PLEC: variants seen among roughly 807,000 people sequenced by gnomAD.
PLEC encodes hemidesmosomal protein 1.
A neutral mutation model predicts 392.8 loss-of-function variants in PLEC; 216 were observed. The ratio of observed to expected loss-of-function variants is 0.55; its 90% CI spans 0.49 to 0.62. PLEC has a LOEUF of 0.62. Ranked by LOEUF, PLEC falls within the 20% of genes least tolerant of loss-of-function variation. The pLI, the probability that PLEC is intolerant of heterozygous loss-of-function variation, is 0.00. For missense variants in PLEC, 6,863 were observed against 6,563.4 expected, an observed-to-expected ratio of 1.05 and a Z score of -1.58; for synonymous variants, 3,621 against 2,980.6, an observed-to-expected ratio of 1.21 and a Z score of -7.00.
chr8:143,919,250 C>T lies in PLEC; in HGVS notation c.10571G>A (p.Arg3524Lys). Residue 3524 changes from arginine to lysine, a missense_variant, in exon 32 of 32, where the codon AGG becomes AAG. Coordinates refer to ENST00000345136, the MANE Select transcript of PLEC (RefSeq NM_201384.3). ...CTCCACGCACCGCTCCAGCAGCTGC[C>T]TGTACGTGAGGTTCTCATGCGTGTT... ...DPNTHENLTY[R>K]QLLERCVEDP... 6.2e-7 allele frequency: 1 copy of T among 1,613,990 alleles called. No homozygotes were observed. The highest frequency in any genetic ancestry group is 8.5e-7 in the Non-Finnish European group (1 of 1,180,036).
At chr8:143,971,089 C>T (rs73377249) in intron 1 of PLEC, among the ~76,000 whole-genome samples, 5,706 of 152,144 alleles carry the variant, frequency 0.038, 362 homozygotes, top group African/African-American at 0.13. Context: ...CAGGGAAGAC[C>T]GGGGATTTCC....
chr8:143,944,647 C>A lies in PLEC; in HGVS notation c.523+5537G>T. ...AAGGCTTTCAAGGGCTGCCCACCTACCGGGCACGATCTTCATCGGGGACGG... is the reference window on the plus strand; with the variant it reads ...AAGGCTTTCAAGGGCTGCCCACCTAACGGGCACGATCTTCATCGGGGACGG... On this transcript the variant is annotated intron_variant, in intron 1 of 31. Transcript: ENST00000322810. 1 of 1,347,152 alleles carries A rather than the reference C, an allele frequency of 7.4e-7. No homozygotes were observed. Among genetic ancestry groups the A allele is most frequent in the African/African-American group, 1.5e-5 (1 of 66,646 alleles). 83.4% of individuals were successfully genotyped at this position (1,347,152 alleles called of 1,614,324 possible). A position where few individuals can be genotyped will look rare whatever the true frequency, so the allele number is the denominator to read the frequency against.
At chr8:143,953,730 G>C (rs782249794), upstream of PLEC, 7 of 1,611,910 alleles carry the variant, frequency 4.3e-6, no homozygotes, top group South Asian at 5.5e-5. Flanking sequence ...CCGCACCTTT[G>C]AGGGAGCTGA....
chr8:143,939,523 C>CGT lies in PLEC; in HGVS notation c.-64_-63dup. The CGT allele has an allele frequency of 6.4e-7, 1 of 1,561,792 alleles. No individual in the cohort carries two copies. The highest frequency in any genetic ancestry group is 1.4e-5 in the African/African-American group (1 of 73,942). On this transcript the variant is annotated 5_prime_UTR_variant, in exon 1 of 32. Coordinates refer to ENST00000345136, the MANE Select transcript of PLEC (RefSeq NM_201384.3). ...TCAGGCACGGTGCTCTGGGCAGCCC[C>CGT]GTGTGGCACACAGGCAGCTGAAGGC...
intron 1 of PLEC, 122 bp downstream of exon 1, chr8:143,939,228 C>A: frequency 7.4e-7 from 1 of 1,347,670 alleles, no homozygotes; most frequent in South Asian, 1.3e-5. Context: ...GGCTGGCCCC[C>A]GACCCCCATC....
chr8:143,959,633 C>G (rs782366287), intron 1 of PLEC, among the ~76,000 whole-genome samples: 1 of 152,262 alleles, frequency 6.6e-6, no homozygotes, highest in African/African-American at 2.4e-5. Context: ...TGGGAGGAGT[C>G]GGCCCACTTG....
In PLEC at chr8:143,923,305, C is replaced by T; in HGVS notation, c.6624G>A (p.Glu2208=). ...TGGCCTCCGCCTTCAGCCGCTGCAG[C>T]TCCTCGTCCAGCAGGTTCTTCTGGT... The part of the protein sequence containing the change: ...TDHQKNLLDE[E]LQRLKAEATE... Residue 2208 remains glutamate, a synonymous_variant, in exon 31 of 32, where the codon GAG becomes GAA. Transcript: ENST00000345136. 6.2e-7 allele frequency: 1 copy of T among 1,609,390 alleles called. No individual in the cohort carries two copies. Among genetic ancestry groups the T allele is most frequent in the Non-Finnish European group, 8.5e-7 (1 of 1,179,658 alleles).
Position 143,939,597 on chromosome 8 carries a change from C to G in PLEC, c.-136G>C. The G allele has an allele frequency of 6.7e-7, 1 of 1,493,260 alleles. No individual in the cohort carries two copies. The highest frequency in any genetic ancestry group is 8.9e-7 in the Non-Finnish European group (1 of 1,120,868). 92.5% of individuals were successfully genotyped at this position (1,493,260 alleles called of 1,614,324 possible). A position where few individuals can be genotyped will look rare whatever the true frequency, so the allele number is the denominator to read the frequency against. ...TCGGCACAGGCTCAGCTCAGAGCCC[C>G]AGTCGGTGCGGCCACTCCCTGCCTG... On this transcript the variant is annotated 5_prime_UTR_variant, in exon 1 of 32. Coordinates refer to ENST00000345136, the MANE Select transcript of PLEC (RefSeq NM_201384.3).
chr8:143,940,830 G>A (rs959975107), upstream of PLEC, among the ~76,000 whole-genome samples: 1 of 152,138 alleles, frequency 6.6e-6, no homozygotes, highest in Non-Finnish European at 1.5e-5. Context: ...ACGCCAAGGG[G>A]CACAGCCAGC....
At chr8:143,942,378 G>A (rs1554729295), upstream of PLEC, 8 of 1,601,308 alleles carry the variant, frequency 5.0e-6, no homozygotes, top group Non-Finnish European at 6.8e-6. Context: ...CACCGGCCAC[G>A]CCACTGCACC....
intron 1 of PLEC, chr8:143,945,252 T>A: frequency 2.1e-6 from 1 of 480,644 alleles, no homozygotes; most frequent in Admixed American, 2.4e-5. Flanking sequence ...GGCTCAGGCC[T>A]GCGCCTGCCC....
rs375184679 is a variant in PLEC at position 143,929,449 on chromosome 8, C to T, written c.3046G>A (p.Ala1016Thr). The change falls in exon 24 of 32, where the codon GCA becomes ACA. Residue 1016 changes from alanine to threonine, a missense_variant. Physicochemically the swap from Ala to Thr is moderately conservative, Grantham distance 58. Coordinates refer to ENST00000345136, the MANE Select transcript of PLEC (RefSeq NM_201384.3). The part of the protein sequence containing the change: ...RLRLPLDKEP[A>T]RECAQRIAEQ... Reference sequence around the variant, plus strand: ...GCGATGCGCTGGGCACACTCCCGTGCCGGCTCTTTGTCCAGCGGCAGCCGC... The same window carrying T: ...GCGATGCGCTGGGCACACTCCCGTGTCGGCTCTTTGTCCAGCGGCAGCCGC... The T allele has an allele frequency of 1.3e-6, 2 of 1,587,634 alleles. No individual in the cohort carries two copies. Among genetic ancestry groups the T allele is most frequent in the South Asian group, 1.1e-5 (1 of 88,366 alleles).
chr8:143,940,471 G>T (rs766377067), upstream of PLEC, among the ~76,000 whole-genome samples: 16 of 152,214 alleles, frequency 1.1e-4, no homozygotes, highest in Admixed American at 3.9e-4. Flanking sequence ...GTTTGCAGCT[G>T]GGTGGGGCTC....
chr8:143,934,238 C>T (rs781835688), intron 11 of PLEC, 80 bp downstream of exon 11: 338 of 1,599,574 alleles, frequency 2.1e-4, no homozygotes, highest in Middle Eastern at 1.8e-3. Context: ...CCGCCGGGGG[C>T]GGGGCGGGGA....
chr8:143,954,659 G>A (rs782786438), upstream of PLEC, among the ~76,000 whole-genome samples: 4 of 152,212 alleles, frequency 2.6e-5, no homozygotes, highest in Non-Finnish European at 4.4e-5. This position sits in a 1 kb window ranked among gnomAD's most constrained non-coding sequence, Gnocchi z 4.6. Flanking sequence ...GTGTCACTGC[G>A]CACGCCTGGG....
At chr8:143,939,016 C>T (rs1347604698) in intron 1 of PLEC, among the ~76,000 whole-genome samples, 1 of 152,086 alleles carries the variant, frequency 6.6e-6, no homozygotes, top group Non-Finnish European at 1.5e-5. Context: ...CCTCTACAGA[C>T]TGAGACCCAA....
At chr8:143,938,375 A>T in intron 2 of PLEC, 135 bp from the exon 3 acceptor site, 1 of 1,535,592 alleles carries the variant, frequency 6.5e-7, no homozygotes, top group South Asian at 1.2e-5. Context: ...CCCACGGAAC[A>T]CACCCTGCCC....
chr8:143,920,710 C>T lies in PLEC; in HGVS notation c.9111G>A (p.Lys3037=), dbSNP rs1554682703. 6.2e-7 allele frequency: 1 copy of T among 1,602,832 alleles called. No homozygotes were observed. The highest frequency in any genetic ancestry group is 8.5e-7 in the Non-Finnish European group (1 of 1,179,902). Residue 3037 remains lysine, a synonymous_variant, in exon 32 of 32, where the codon AAG becomes AAA. Coordinates refer to ENST00000345136, the MANE Select transcript of PLEC (RefSeq NM_201384.3). ...TCTTCAGGGCATTGTAGATACTCAG[C>T]TTCTGCCCCGCCTCCTCCAGCCATA... ...AGVWLEEAGQ[K]LSIYNALKKD... is the part of the protein sequence containing the mutation.
chr8:143,963,522 AC>A (rs1436321501), intron 1 of PLEC, among the ~76,000 whole-genome samples: 1 of 152,214 alleles, frequency 6.6e-6, no homozygotes, highest in East Asian at 1.9e-4. Flanking sequence ...GCCTAGCCCA[AC>A]ATTGCAGTTT....
Sources: gnomAD v4.1 joint callset for allele counts (sites outside exome capture counted in the v4.1 genomes callset) on GRCh38, gnomAD v4.1.1 for gene constraint, Gnocchi (gnomAD v3.1) non-coding constraint, MANE v1.5 for transcripts, NCBI Gene and HGNC (gene_info 2026-07-23, HGNC 2026-07-21) for gene names.